The following CNTN3 variants were observed in gnomAD, a reference collection of about 807,000 sequenced individuals.
CNTN3 encodes the protein contactin-3.
CNTN3 carries 60 observed loss-of-function variants against 119.1 expected under a neutral mutation model. That is an observed-to-expected ratio of 0.50 (90% confidence interval 0.41 to 0.62). The LOEUF (loss-of-function observed/expected upper bound fraction) is 0.62, where lower values mean the gene tolerates loss of function less well. Ranked by LOEUF, CNTN3 falls within the 20% of genes least tolerant of loss-of-function variation. The probability of loss-of-function intolerance (pLI) is 0.00; values close to 1 mark genes in which losing one functional copy is unlikely to be tolerated. For synonymous variants in CNTN3, 450 were observed against 438.7 expected (o/e 1.03, Z -0.32); for missense variants, 1,101 against 1,242.4 (o/e 0.89, Z 1.71).
intron 4 of CNTN3, among the ~76,000 whole-genome samples, chr3:74,482,145 T>C (rs1446901297): frequency 6.6e-6 from 1 of 151,924 alleles, no homozygotes; most frequent in African/African-American, 2.4e-5. Flanking sequence ...AGGTCACTTT[T>C]AGAGGTGAAA....
At chr3:74,360,401 A>G (rs538811216) in intron 11 of CNTN3, among the ~76,000 whole-genome samples, 3 of 152,196 alleles carry the variant, frequency 2.0e-5, no homozygotes, top group Non-Finnish European at 4.4e-5. Flanking sequence ...AGTCAAACAG[A>G]ATGGCTCCCA....
chr3:74,266,116 T>C (rs1701655835), intron 22 of CNTN3, among the ~76,000 whole-genome samples: 1 of 152,132 alleles, frequency 6.6e-6, no homozygotes, highest in South Asian at 2.1e-4. Flanking sequence ...GATTTATCTA[T>C]AATTTGTAGG....
chr3:74,399,570 T>A (rs1376004849), intron 5 of CNTN3, among the ~76,000 whole-genome samples: 1 of 152,198 alleles, frequency 6.6e-6, no homozygotes, highest in Admixed American at 6.5e-5. Flanking sequence ...TGATTCCCTG[T>A]CTTTGCTATT....
At chr3:74,561,373 C>T (rs1355479703) in intron 1 of CNTN3, among the ~76,000 whole-genome samples, 4 of 152,096 alleles carry the variant, frequency 2.6e-5, no homozygotes, top group Admixed American at 1.3e-4. Context: ...ATTCTGCCTG[C>T]AAGAGCCACA....
chr3:74,521,013 G>A (rs769262582), intron 2 of CNTN3, 45 bp downstream of exon 2: 3 of 1,194,444 alleles, frequency 2.5e-6, no homozygotes, highest in South Asian at 2.7e-5. Context: ...TATGACTCGA[G>A]TATACTTCTA....
intron 5 of CNTN3, among the ~76,000 whole-genome samples, chr3:74,391,184 G>A (rs1005291417): frequency 6.6e-6 from 1 of 152,142 alleles, no homozygotes; most frequent in Non-Finnish European, 1.5e-5. Flanking sequence ...TTCTCTTACT[G>A]CATGCTTCCT....
chr3:74,308,387 A>C (rs2106831527), intron 13 of CNTN3, among the ~76,000 whole-genome samples: 1 of 152,288 alleles, frequency 6.6e-6, no homozygotes. Flanking sequence ...TTAATATCAA[A>C]ATTTGCTTGA....
intron 13 of CNTN3, among the ~76,000 whole-genome samples, chr3:74,321,087 A>G (rs1702976811): frequency 6.6e-6 from 1 of 152,158 alleles, no homozygotes; most frequent in African/African-American, 2.4e-5. Context: ...AACACTGGGT[A>G]TACATGAACA....
chr3:74,360,301 T>G (rs1357320012), intron 11 of CNTN3, among the ~76,000 whole-genome samples: 1 of 152,186 alleles, frequency 6.6e-6, no homozygotes, highest in South Asian at 2.1e-4. Flanking sequence ...TAATTTGGAC[T>G]CTATGACTTC....
At chr3:74,347,569 T>TAA (rs1273896401) in intron 11 of CNTN3, among the ~76,000 whole-genome samples, 1 of 152,220 alleles carries the variant, frequency 6.6e-6, no homozygotes, top group Non-Finnish European at 1.5e-5. Flanking sequence ...ATGTACCATA[T>TAA]AATGATAGTT....
At chr3:74,587,259 T>C (rs914589608) in intron 1 of CNTN3, among the ~76,000 whole-genome samples, 2 of 152,058 alleles carry the variant, frequency 1.3e-5, no homozygotes, top group Admixed American at 6.6e-5. Flanking sequence ...TGTTTACAAA[T>C]GTCATTGTTT....
chr3:74,345,001 A>G (rs1357198677), intron 11 of CNTN3, among the ~76,000 whole-genome samples: 1 of 152,170 alleles, frequency 6.6e-6, no homozygotes, highest in Non-Finnish European at 1.5e-5. Flanking sequence ...ATGACGCAGA[A>G]GTAGGTTTGC....
chr3:74,433,522 T>A (rs1701818235), intron 4 of CNTN3, among the ~76,000 whole-genome samples: 1 of 152,222 alleles, frequency 6.6e-6, no homozygotes, highest in African/African-American at 2.4e-5. Context: ...CCTCAGGATC[T>A]GTTGTTTTGT....
intron 1 of CNTN3, among the ~76,000 whole-genome samples, chr3:74,533,385 G>A (rs563415204): frequency 1.3e-5 from 2 of 152,064 alleles, no homozygotes; most frequent in African/African-American, 4.8e-5. Flanking sequence ...TAATACTAAT[G>A]CAGCACTTCA....
At chr3:74,335,007 T>C in intron 12 of CNTN3, 97 bp from the exon 13 acceptor site, 3 of 776,338 alleles carry the variant, frequency 3.9e-6, no homozygotes, top group Non-Finnish European at 6.2e-6. Context: ...TGTGTATGTC[T>C]GTAGATGCAT....
intron 5 of CNTN3, among the ~76,000 whole-genome samples, chr3:74,416,006 T>C (rs921499075): frequency 1.3e-5 from 2 of 152,170 alleles, no homozygotes; most frequent in Non-Finnish European, 2.9e-5. Context: ...CTGATGCTAG[T>C]ACAGGATGGG....
At chr3:74,556,970 C>T (rs1002748996) in intron 1 of CNTN3, among the ~76,000 whole-genome samples, 1 of 152,102 alleles carries the variant, frequency 6.6e-6, no homozygotes, top group African/African-American at 2.4e-5. Flanking sequence ...ATCCTTTGTC[C>T]AGTTTTCAAC....
chr3:74,505,025 T>G (rs549947004), intron 2 of CNTN3, among the ~76,000 whole-genome samples: 317 of 152,200 alleles, frequency 2.1e-3, no homozygotes, highest in South Asian at 5.2e-3. Flanking sequence ...CTGCTTGGCT[T>G]GTAGATGGCT....
chr3:74,482,897 T>C (rs1702787822), intron 4 of CNTN3, among the ~76,000 whole-genome samples: 1 of 152,162 alleles, frequency 6.6e-6, no homozygotes. Context: ...AGCAATGCTC[T>C]ACTGTAGCTA....
Sources: gnomAD v4.1 joint callset for allele counts (sites outside exome capture counted in the v4.1 genomes callset) on GRCh38, gnomAD v4.1.1 for gene constraint, MANE v1.5 for transcripts, NCBI Gene and HGNC (gene_info 2026-07-23, HGNC 2026-07-21) for gene names.